The following ROR1 variants were observed in gnomAD, a reference collection of about 807,000 sequenced individuals.
ROR1 encodes inactive tyrosine-protein kinase transmembrane receptor ROR1.
In ROR1, 19 loss-of-function variants were observed where a neutral mutation model predicts 78.8. That is an observed-to-expected ratio of 0.24 (90% CI 0.17 to 0.35). The LOEUF (loss-of-function observed/expected upper bound fraction) is 0.35. Among genes scored for constraint, ROR1 ranks in the 10% least tolerant of loss-of-function variants. The pLI, the probability that ROR1 is intolerant of heterozygous loss-of-function variation, is 1.00. For synonymous variants in ROR1, 386 were observed against 433.6 expected (o/e 0.89, Z 1.36); for missense variants, 917 against 1,177.8 (o/e 0.78, Z 3.24).
intron 8 of ROR1, among the ~76,000 whole-genome samples, chr1:64,174,306 G>C (rs775321304): frequency 1.8e-4 from 28 of 152,140 alleles, no homozygotes; most frequent in Non-Finnish European, 3.2e-4. Context: ...TATGCCACAG[G>C]ATCATGGTGT....
chr1:64,137,058 A>G (rs1283002829), intron 4 of ROR1, among the ~76,000 whole-genome samples: 3 of 152,112 alleles, frequency 2.0e-5, no homozygotes, highest in Admixed American at 1.3e-4. Context: ...TTTCCAACTC[A>G]TTTCCTCTTT....
chr1:64,049,165 C>T (rs1185877746), intron 2 of ROR1, among the ~76,000 whole-genome samples: 1 of 152,110 alleles, frequency 6.6e-6, no homozygotes, highest in Non-Finnish European at 1.5e-5. Context: ...CCTTCATAAC[C>T]TTATATTGTC....
intron 4 of ROR1, among the ~76,000 whole-genome samples, chr1:64,093,184 T>A (rs1471000661): frequency 1.3e-5 from 2 of 152,196 alleles, no homozygotes; most frequent in Non-Finnish European, 2.9e-5. Context: ...GTGTTGGGTT[T>A]GTTTTCTGGA....
chr1:64,138,543 G>C (rs1649197435), intron 5 of ROR1, among the ~76,000 whole-genome samples: 1 of 150,990 alleles, frequency 6.6e-6, no homozygotes. Flanking sequence ...AGAGGGAGGA[G>C]GACTTTTTTT....
At chr1:64,054,767 G>A (rs1201692882) in intron 4 of ROR1, among the ~76,000 whole-genome samples, 1 of 152,128 alleles carries the variant, frequency 6.6e-6, no homozygotes, top group Non-Finnish European at 1.5e-5. Flanking sequence ...ATCACAAACT[G>A]CATGGCAAAA....
intron 1 of ROR1, among the ~76,000 whole-genome samples, chr1:63,820,986 A>G (rs920179339): frequency 6.6e-6 from 1 of 152,152 alleles, no homozygotes; most frequent in African/African-American, 2.4e-5. Context: ...CTTCTCTTGT[A>G]ACAAGCTGTG....
At chr1:64,128,305 A>AAAAAAT (rs1648787554) in intron 4 of ROR1, among the ~76,000 whole-genome samples, 1 of 150,484 alleles carries the variant, frequency 6.6e-6, no homozygotes, top group Admixed American at 6.6e-5. Context: ...AAAAAAAAAA[A>AAAAAAT]AAAAAGTAAA....
chr1:64,084,796 T>A (rs140344611), intron 4 of ROR1, among the ~76,000 whole-genome samples: 1 of 152,176 alleles, frequency 6.6e-6, no homozygotes, highest in East Asian at 1.9e-4. Context: ...GAAGTATAAT[T>A]TGGGGATGCC....
At chr1:63,885,118 A>T (rs186060908) in intron 1 of ROR1, among the ~76,000 whole-genome samples, 4 of 152,318 alleles carry the variant, frequency 2.6e-5, no homozygotes, top group Admixed American at 2.0e-4. Context: ...TGGCATATAG[A>T]AAAAAACATA....
At position 64,077,283 on chromosome 1, in the gene ROR1, C is replaced by A. The variant is rs552629042; in HGVS notation, c.482+26567C>A. 3.9e-4 allele frequency among the ~76,000 whole-genome samples: 60 copies of A among 152,324 alleles called. 1 individual carries two copies. Among genetic ancestry groups the A allele is most frequent in the African/African-American group, 1.4e-3 (58 of 41,584 alleles). ...CATGGCTCTTTGGCTCTGATCACTC[C>A]ATTGGATACTTAAAACAATGTTCAA... is the stretch of plus-strand genomic sequence containing the variant. On this transcript the variant is annotated intron_variant, in intron 4 of 8. Coordinates refer to ENST00000371079, the MANE Select transcript of ROR1 (RefSeq NM_005012.4).
intron 1 of ROR1, among the ~76,000 whole-genome samples, chr1:63,956,000 C>G (rs1443711992): frequency 6.6e-6 from 1 of 152,134 alleles, no homozygotes; most frequent in African/African-American, 2.4e-5. Context: ...ACTCCCTGCA[C>G]CTGGTGACTC....
At chr1:63,811,648 G>T (rs1293031486) in intron 1 of ROR1, among the ~76,000 whole-genome samples, 1 of 152,168 alleles carries the variant, frequency 6.6e-6, no homozygotes, top group African/African-American at 2.4e-5. Flanking sequence ...TTAGCTGGAA[G>T]TAAGTAAGGT....
At chr1:63,892,557 G>A (rs1318957542) in intron 1 of ROR1, among the ~76,000 whole-genome samples, 1 of 152,160 alleles carries the variant, frequency 6.6e-6, no homozygotes, top group Non-Finnish European at 1.5e-5. Flanking sequence ...GCCTGAGAAG[G>A]CAGATAGATA....
At chr1:63,937,630 G>A (rs855947) in intron 1 of ROR1, among the ~76,000 whole-genome samples, 100,582 of 152,092 alleles carry the variant, frequency 0.66, 37,690 homozygotes, top group East Asian at 0.94. Flanking sequence ...TGGTCCTAAC[G>A]TTGAATAGAG....
At chr1:63,970,896 C>G (rs1220599902) in intron 1 of ROR1, among the ~76,000 whole-genome samples, 1 of 152,182 alleles carries the variant, frequency 6.6e-6, no homozygotes, top group Non-Finnish European at 1.5e-5. Flanking sequence ...TGGTCACCAC[C>G]CTTGCTGCCT....
At chr1:63,863,773 ATT>A (rs1645197409) in intron 1 of ROR1, among the ~76,000 whole-genome samples, 1 of 150,520 alleles carries the variant, frequency 6.6e-6, no homozygotes, top group African/African-American at 2.5e-5. Context: ...ATTGTATTGT[ATT>A]GTATTGTATT....
chr1:64,137,307 A>G, intron 4 of ROR1, 62 bp from the exon 5 acceptor site: 1 of 1,592,338 alleles, frequency 6.3e-7, no homozygotes, highest in Non-Finnish European at 8.6e-7. Flanking sequence ...GCGCAGTCAG[A>G]GCTTGCTGTG....
intron 1 of ROR1, among the ~76,000 whole-genome samples, chr1:63,853,396 C>G (rs182026209): frequency 6.6e-6 from 1 of 152,268 alleles, no homozygotes; most frequent in Admixed American, 6.5e-5. Flanking sequence ...ATCTGAGAAT[C>G]CAAAACCCAA....
intron 1 of ROR1, among the ~76,000 whole-genome samples, chr1:63,982,273 A>C (rs1186518833): frequency 6.6e-6 from 1 of 151,588 alleles, no homozygotes; most frequent in Non-Finnish European, 1.5e-5. Context: ...CATTGCCTAT[A>C]AAATGGGGAT....
Sources: allele counts gnomAD v4.1 joint callset (sites outside exome capture counted in the v4.1 genomes callset), GRCh38; gene constraint gnomAD v4.1.1; transcripts MANE v1.5; gene names NCBI Gene and HGNC (gene_info 2026-07-23, HGNC 2026-07-21).